Variants in PSD3 observed in about 807,000 individuals in gnomAD.
PSD3 encodes the protein PH and SEC7 domain-containing protein 3.
PSD3 carries 49 observed loss-of-function variants against 105.5 expected under a neutral mutation model. The observed-to-expected ratio is 0.46, with a 90% CI of 0.37 to 0.59. PSD3 has a LOEUF of 0.59. Ranked by LOEUF, PSD3 falls within the 20% of genes least tolerant of loss-of-function variation. PSD3 has a pLI of 0.00. For synonymous variants in PSD3, 557 were observed against 457.8 expected (o/e 1.22, Z -2.77); for missense variants, 1,561 against 1,263.8 (o/e 1.24, Z -3.57).
At chr8:19,079,136 G>C (rs1829559975) in intron 1 of PSD3, among the ~76,000 whole-genome samples, 1 of 152,060 alleles carries the variant, frequency 6.6e-6, no homozygotes, top group African/African-American at 2.4e-5. Flanking sequence ...ATGGGGTAAG[G>C]AGAGAAAAAG....
At chr8:18,815,330 A>T (rs894127627) in intron 4 of PSD3, among the ~76,000 whole-genome samples, 1 of 151,676 alleles carries the variant, frequency 6.6e-6, no homozygotes, top group Non-Finnish European at 1.5e-5. Flanking sequence ...GGTGTGGGGG[A>T]TGGAGTCTCG....
intron 1 of PSD3, among the ~76,000 whole-genome samples, chr8:18,962,277 A>G (rs1237412678): frequency 2.0e-5 from 3 of 152,296 alleles, no homozygotes; most frequent in East Asian, 1.9e-4. Flanking sequence ...GTCCATTGCA[A>G]TTCTTAAAAT....
At chr8:18,716,911 T>C (rs988414691) in intron 9 of PSD3, among the ~76,000 whole-genome samples, 6 of 152,198 alleles carry the variant, frequency 3.9e-5, no homozygotes, top group African/African-American at 1.2e-4. Context: ...CTCTACCTTC[T>C]CTAAGACCAA....
chr8:18,867,640 A>G (rs1240309735), intron 4 of PSD3, 34 bp downstream of exon 4: 2 of 1,549,564 alleles, frequency 1.3e-6, no homozygotes, highest in Non-Finnish European at 1.7e-6. Context: ...TACAAAAACC[A>G]CCAGCATGAA....
At chr8:18,841,499 C>CAT (rs1554518909) in intron 4 of PSD3, among the ~76,000 whole-genome samples, 2 of 150,544 alleles carry the variant, frequency 1.3e-5, no homozygotes, top group African/African-American at 2.5e-5. Flanking sequence ...CACACACACA[C>CAT]TGAATTTAAA....
At chr8:18,577,008 C>G (rs1802501294) in intron 12 of PSD3, among the ~76,000 whole-genome samples, 1 of 151,014 alleles carries the variant, frequency 6.6e-6, no homozygotes, top group East Asian at 1.9e-4. Flanking sequence ...TTACCTAGTT[C>G]TTTTGTTTTC....
At chr8:18,948,794 A>T (rs959704311) in intron 1 of PSD3, among the ~76,000 whole-genome samples, 2 of 152,140 alleles carry the variant, frequency 1.3e-5, no homozygotes, top group African/African-American at 4.8e-5. Flanking sequence ...CTATATTTTT[A>T]AAAAACATAA....
chr8:18,683,102 A>G (rs988891593), intron 9 of PSD3, among the ~76,000 whole-genome samples: 1 of 152,234 alleles, frequency 6.6e-6, no homozygotes, highest in Non-Finnish European at 1.5e-5. Context: ...TGCCCACTTC[A>G]CTACGTAATC....
At chr8:18,843,092 C>A (rs1263016221) in intron 4 of PSD3, among the ~76,000 whole-genome samples, 2 of 152,068 alleles carry the variant, frequency 1.3e-5, no homozygotes, top group African/African-American at 4.8e-5. Flanking sequence ...TTAGAGGAAC[C>A]CAGTAGCAAG....
chr8:18,536,026 G>A (rs1799826569), intron 15 of PSD3, 68 bp from the exon 16 acceptor site: 2 of 1,431,090 alleles, frequency 1.4e-6, no homozygotes, highest in Non-Finnish European at 1.9e-6. Context: ...CAGCACACTT[G>A]TGTATTACCC....
At chr8:18,591,736 G>C (rs959678689) in intron 12 of PSD3, among the ~76,000 whole-genome samples, 1 of 152,114 alleles carries the variant, frequency 6.6e-6, no homozygotes, top group African/African-American at 2.4e-5. Context: ...GCTATCTGAG[G>C]GAGTGGTATC....
intron 2 of PSD3, among the ~76,000 whole-genome samples, chr8:18,884,871 T>A (rs940107783): frequency 1.3e-5 from 2 of 152,188 alleles, no homozygotes; most frequent in African/African-American, 4.8e-5. Flanking sequence ...CTCTGTGAGC[T>A]AAGGAGTGGC....
intron 1 of PSD3, among the ~76,000 whole-genome samples, chr8:18,962,846 T>G (rs114283146): frequency 0.015 from 2,247 of 152,350 alleles, 61 homozygotes; most frequent in African/African-American, 0.052. Flanking sequence ...ACTCCTATCT[T>G]GCAGATAAGG....
intron 4 of PSD3, among the ~76,000 whole-genome samples, chr8:18,813,515 T>C (rs183016334): frequency 1.3e-5 from 2 of 152,312 alleles, no homozygotes; most frequent in Admixed American, 6.5e-5. Flanking sequence ...CAAAGAAATA[T>C]GTCTAGCAGT....
intron 12 of PSD3, among the ~76,000 whole-genome samples, chr8:18,585,790 C>T (rs1166155800): frequency 6.6e-6 from 1 of 152,146 alleles, no homozygotes; most frequent in African/African-American, 2.4e-5. Context: ...AACCATGCAA[C>T]ATCATTTCCC....
intron 10 of PSD3, among the ~76,000 whole-genome samples, chr8:18,651,956 C>A (rs1237779074): frequency 6.6e-6 from 1 of 152,076 alleles, no homozygotes; most frequent in Admixed American, 6.5e-5. Flanking sequence ...AGACAGAAGG[C>A]CTTGTTGAGG....
At chr8:18,874,702 CAAAAA>C (rs746055038) in intron 2 of PSD3, among the ~76,000 whole-genome samples, 34 of 52,824 alleles carry the variant, frequency 6.4e-4, no homozygotes, top group African/African-American at 2.3e-3. Context: ...GACTCCATCT[CAAAAA>C]AAAAAAAAAA....
chr8:18,956,878 T>C (rs1385842576), intron 1 of PSD3, among the ~76,000 whole-genome samples: 1 of 152,148 alleles, frequency 6.6e-6, no homozygotes, highest in Non-Finnish European at 1.5e-5. Flanking sequence ...CCAAGGCTCC[T>C]GGGTGTTGCT....
At chr8:18,925,528 A>T (rs1314378605) in intron 2 of PSD3, among the ~76,000 whole-genome samples, 1 of 152,120 alleles carries the variant, frequency 6.6e-6, no homozygotes, top group East Asian at 1.9e-4. Context: ...TCCCTAACCA[A>T]AAATCTAAAA....
Sources: allele counts gnomAD v4.1 joint callset (sites outside exome capture counted in the v4.1 genomes callset), GRCh38; gene constraint gnomAD v4.1.1; transcripts MANE v1.5; gene names NCBI Gene and HGNC (gene_info 2026-07-23, HGNC 2026-07-21).